KCNH8: variants seen among roughly 807,000 people sequenced by gnomAD.
The protein encoded by KCNH8 is voltage-gated delayed rectifier potassium channel KCNH8.
KCNH8 carries 70 observed loss-of-function variants against 103.6 expected under a neutral mutation model. The ratio of observed to expected loss-of-function variants is 0.68; its 90% CI spans 0.56 to 0.82. The LOEUF (loss-of-function observed/expected upper bound fraction) is 0.82. Among genes scored for constraint, KCNH8 ranks in the 40% least tolerant of loss-of-function variants. KCNH8 has a pLI of 0.00. For missense variants in KCNH8, 1,217 were observed against 1,329.9 expected, an observed-to-expected ratio of 0.92 and a Z score of 1.32; for synonymous variants, 498 against 489.4, an observed-to-expected ratio of 1.02 and a Z score of -0.23.
rs186470177 is a variant in KCNH8, at chr3:19,345,726, A to T, written c.571-1999A>T. ...AAGAAGAGAAGCATCTATTTTTTTCACTCAGGTGATTATGTAAAGATGTTT... is the reference window on the plus strand; with the variant it reads ...AAGAAGAGAAGCATCTATTTTTTTCTCTCAGGTGATTATGTAAAGATGTTT... On this transcript the variant is annotated intron_variant, in intron 4 of 15. Transcript: ENST00000328405. Among the ~76,000 whole-genome samples, 15 of 152,124 alleles carry T rather than the reference A, an allele frequency of 9.9e-5. 1 individual carries two copies. The highest frequency in any genetic ancestry group is 9.2e-4 in the Admixed American group (14 of 15,224).
chr3:19,253,285 A>C (rs2064302127), intron 1 of KCNH8, among the ~76,000 whole-genome samples: 1 of 152,112 alleles, frequency 6.6e-6, no homozygotes, highest in African/African-American at 2.4e-5. Context: ...TGAGGTTTAG[A>C]GTTCTTGAGT....
chr3:19,218,546 C>G (rs1318087917), intron 1 of KCNH8, among the ~76,000 whole-genome samples: 2 of 152,206 alleles, frequency 1.3e-5, no homozygotes, highest in Non-Finnish European at 2.9e-5. Flanking sequence ...GTAATAACTC[C>G]TTGTTTAAAG....
At chr3:19,301,263 T>C (rs1363053089) in intron 3 of KCNH8, among the ~76,000 whole-genome samples, 1 of 151,058 alleles carries the variant, frequency 6.6e-6, no homozygotes, top group Non-Finnish European at 1.5e-5. Flanking sequence ...AAAATAAAAA[T>C]AGTGACAATT....
At chr3:19,333,052 T>C (rs769301851) in intron 3 of KCNH8, among the ~76,000 whole-genome samples, 1 of 152,190 alleles carries the variant, frequency 6.6e-6, no homozygotes, top group Non-Finnish European at 1.5e-5. Context: ...TGTATTGATA[T>C]CTCATATGGT....
At chr3:19,340,234 T>G (rs759080992) in intron 3 of KCNH8, among the ~76,000 whole-genome samples, 2 of 152,100 alleles carry the variant, frequency 1.3e-5, no homozygotes, top group Non-Finnish European at 2.9e-5. Context: ...AGGGGAGATA[T>G]CAAAGAGCTT....
intron 1 of KCNH8, among the ~76,000 whole-genome samples, chr3:19,251,055 C>G (rs1165211381): frequency 2.0e-5 from 3 of 152,062 alleles, no homozygotes; most frequent in Non-Finnish European, 2.9e-5. Flanking sequence ...GCCAAAATTA[C>G]AAAATGGAGT....
chr3:19,266,558 ATC>A (rs1201887401), intron 2 of KCNH8, among the ~76,000 whole-genome samples: 1 of 151,802 alleles, frequency 6.6e-6, no homozygotes. Context: ...CTCTTTATGC[ATC>A]TCTGTTTCAT....
At chr3:19,387,702 A>C (rs1575001539) in intron 5 of KCNH8, among the ~76,000 whole-genome samples, 1 of 152,098 alleles carries the variant, frequency 6.6e-6, no homozygotes, top group Non-Finnish European at 1.5e-5. Context: ...TTTCCCCTGA[A>C]AATAAACCAA....
chr3:19,466,095 T>C (rs981932133), intron 11 of KCNH8, among the ~76,000 whole-genome samples: 7 of 151,920 alleles, frequency 4.6e-5, no homozygotes, highest in African/African-American at 1.5e-4. Flanking sequence ...CGGCTAATTC[T>C]TTTTTATATT....
rs147756286 is a variant in KCNH8, at chr3:19,288,244, T to C, written c.442+6915T>C. Among the ~76,000 whole-genome samples the C allele has an allele frequency of 2.7e-3, 400 of 149,666 alleles. 6 individuals are homozygous for C. Among genetic ancestry groups the C allele is most frequent in the African/African-American group, 9.1e-3 (368 of 40,544 alleles). ...AAGCTAGTTTATTTATTTTTTTAAT[T>C]ATACTTTAACTTTTGGGGTACATGT... On this transcript the variant is annotated intron_variant, in intron 3 of 15. Coordinates refer to ENST00000328405, the MANE Select transcript of KCNH8 (RefSeq NM_144633.3).
intron 11 of KCNH8, among the ~76,000 whole-genome samples, chr3:19,486,183 G>C (rs1373137734): frequency 1.3e-5 from 2 of 152,202 alleles, no homozygotes; most frequent in East Asian, 3.9e-4. Flanking sequence ...GGCTGGTCCT[G>C]AAGGTCAGGT....
At chr3:19,479,955 ATCAG>A (rs1375890130) in intron 11 of KCNH8, among the ~76,000 whole-genome samples, 2 of 152,186 alleles carry the variant, frequency 1.3e-5, no homozygotes, top group African/African-American at 4.8e-5. Context: ...GATACCATGA[ATCAG>A]TCAGAAAGAA....
chr3:19,504,893 C>T (rs531517457), intron 11 of KCNH8, among the ~76,000 whole-genome samples: 21 of 151,788 alleles, frequency 1.4e-4, no homozygotes, highest in African/African-American at 4.8e-4. Context: ...CATTACAGCA[C>T]TATTCACAAT....
rs2063341221 is a variant in KCNH8 at position 19,170,815 on chromosome 3, T to TC, written c.76+22020_76+22021insC. Among the ~76,000 whole-genome samples the TC allele has an allele frequency of 7.9e-5, 11 of 140,004 alleles. 1 individual carries two copies. The highest frequency in any genetic ancestry group is 2.7e-4 in the African/African-American group (10 of 36,820). 91.8% of individuals were successfully genotyped at this position (140,004 alleles called of 152,430 possible). A position where few individuals can be genotyped will look rare whatever the true frequency, so the allele number is the denominator to read the frequency against. On this transcript the variant is annotated intron_variant, in intron 1 of 15. Transcript: ENST00000328405. The stretch of plus-strand genomic sequence containing the variant: ...ATATATATATATATATATATATTTT[T>TC]TTTTTTTTTTTTGAGACGAAGTCTC...
chr3:19,422,158 G>A (rs1339736128), intron 7 of KCNH8, among the ~76,000 whole-genome samples: 1 of 151,908 alleles, frequency 6.6e-6, no homozygotes, highest in Non-Finnish European at 1.5e-5. Flanking sequence ...GAAAGTATAT[G>A]GTTTTGCTAT....
intron 2 of KCNH8, among the ~76,000 whole-genome samples, chr3:19,260,023 C>A (rs1159749006): frequency 6.6e-6 from 1 of 150,876 alleles, no homozygotes; most frequent in Non-Finnish European, 1.5e-5. Flanking sequence ...GAAGGAAGAA[C>A]TGTGAAAGAT....
rs777120993 is a variant in KCNH8, at chr3:19,342,624, T to C, written c.480T>C (p.Phe160=). 2 of 1,611,044 alleles carry C rather than the reference T, an allele frequency of 1.2e-6. No homozygotes were observed. Among genetic ancestry groups the C allele is most frequent in the Non-Finnish European group, 1.7e-6 (2 of 1,177,870 alleles). The change falls in exon 4 of 16, where the codon TTT becomes TTC. Residue 160 remains phenylalanine, a synonymous_variant. Transcript: ENST00000328405. ...VKGRSRAGTH[F]DSARRRSRAV... ...GAAGATCAAGAGCAGGGACCCACTT[T>C]GACTCAGCCCGGAGACGGAGTCGAG...
chr3:19,202,727 T>C (rs2063676162), intron 1 of KCNH8, among the ~76,000 whole-genome samples: 1 of 152,182 alleles, frequency 6.6e-6, no homozygotes, highest in South Asian at 2.1e-4. Flanking sequence ...TATATTGCAT[T>C]GTTTGGAAAA....
chr3:19,354,381 T>C (rs2065848610), intron 5 of KCNH8, among the ~76,000 whole-genome samples: 1 of 152,144 alleles, frequency 6.6e-6, no homozygotes, highest in South Asian at 2.1e-4. Flanking sequence ...AAAAAACTAC[T>C]TTAAAGTTCA....
Sources: gnomAD v4.1 joint callset for allele counts (sites outside exome capture counted in the v4.1 genomes callset) on GRCh38, gnomAD v4.1.1 for gene constraint, MANE v1.5 for transcripts, NCBI Gene and HGNC (gene_info 2026-07-23, HGNC 2026-07-21) for gene names.